ADAMTS6: variants seen among roughly 807,000 people sequenced by gnomAD.
ADAMTS6 encodes A disintegrin and metalloproteinase with thrombospondin motifs 6.
Under a neutral mutation model 144.3 loss-of-function variants are expected in ADAMTS6, and 23 were observed. That is an observed-to-expected ratio of 0.16 (90% CI 0.11 to 0.23). The LOEUF (loss-of-function observed/expected upper bound fraction) is 0.23, where lower values mean the gene tolerates loss of function less well. Ranked by LOEUF, ADAMTS6 falls within the 10% of genes least tolerant of loss-of-function variation. The pLI is 1.00. For missense variants in ADAMTS6, 999 were observed against 1,379.6 expected, an observed-to-expected ratio of 0.72 and a Z score of 4.37; for synonymous variants, 444 against 457.5, an observed-to-expected ratio of 0.97 and a Z score of 0.38.
At chr5:65,313,128 A>AACACACACACAC (rs61525269) in intron 9 of ADAMTS6, among the ~76,000 whole-genome samples, 30 of 135,846 alleles carry the variant, frequency 2.2e-4, no homozygotes, top group East Asian at 1.3e-3. Flanking sequence ...TTATTTCTGC[A>AACACACACACAC]ACACACACAC....
intron 9 of ADAMTS6, among the ~76,000 whole-genome samples, chr5:65,317,478 T>A (rs1450167446): frequency 6.6e-6 from 1 of 151,784 alleles, no homozygotes; most frequent in African/African-American, 2.4e-5. Context: ...TTAAGGAAAA[T>A]CTCCAAGACA....
At chr5:65,426,607 T>G (rs1756556412) in intron 7 of ADAMTS6, among the ~76,000 whole-genome samples, 1 of 151,846 alleles carries the variant, frequency 6.6e-6, no homozygotes, top group African/African-American at 2.4e-5. Flanking sequence ...AAACAAAAAT[T>G]TAGTGGAGTT....
intron 7 of ADAMTS6, among the ~76,000 whole-genome samples, chr5:65,421,139 T>C (rs1756004048): frequency 6.6e-6 from 1 of 152,210 alleles, no homozygotes; most frequent in African/African-American, 2.4e-5. Context: ...TTTGTTTTTT[T>C]CATTGTGTTA....
At chr5:65,408,254 A>G (rs1467463495) in intron 7 of ADAMTS6, among the ~76,000 whole-genome samples, 7 of 152,188 alleles carry the variant, frequency 4.6e-5, no homozygotes, top group Non-Finnish European at 5.9e-5. Context: ...CAGGAAACCC[A>G]TGTTACGTGC....
At chr5:65,166,128 AG>A (rs1477742404) in intron 24 of ADAMTS6, among the ~76,000 whole-genome samples, 74 of 140,002 alleles carry the variant, frequency 5.3e-4, no homozygotes, top group Non-Finnish European at 9.6e-4. Flanking sequence ...TGCTGTATTC[AG>A]GAAACCCATC....
At chr5:65,192,238 C>G (rs981854999) in intron 21 of ADAMTS6, among the ~76,000 whole-genome samples, 8 of 152,064 alleles carry the variant, frequency 5.3e-5, no homozygotes, top group Non-Finnish European at 1.2e-4. Context: ...GCTTATAACT[C>G]TCTTATTGTA....
chr5:65,194,107 G>A (rs746253645), intron 21 of ADAMTS6, among the ~76,000 whole-genome samples: 6 of 151,830 alleles, frequency 4.0e-5, no homozygotes, highest in Admixed American at 6.6e-5. Context: ...CTTCACACTC[G>A]TAAAGTTTTA....
intron 7 of ADAMTS6, among the ~76,000 whole-genome samples, chr5:65,377,207 C>G (rs1751646519): frequency 6.6e-6 from 1 of 152,162 alleles, no homozygotes; most frequent in Admixed American, 6.6e-5. Flanking sequence ...CCTTCTCTCT[C>G]CATTTTTATA....
At chr5:65,269,775 G>A (rs1372680272) in intron 12 of ADAMTS6, among the ~76,000 whole-genome samples, 1 of 151,462 alleles carries the variant, frequency 6.6e-6, no homozygotes, top group African/African-American at 2.4e-5. Flanking sequence ...ACATGTGATG[G>A]GCATAGTGTA....
chr5:65,149,086 T>C lies in ADAMTS6; in HGVS notation c.*2750A>G, dbSNP rs772457642. The stretch of plus-strand genomic sequence containing the variant: ...TGAAATGGACTATTTGGAAATCATA[T>C]GTATCTCACGGGGTTTAATCATTAG... On this transcript the variant is annotated 3_prime_UTR_variant, in exon 25 of 25. Coordinates refer to ENST00000381055, the MANE Select transcript of ADAMTS6 (RefSeq NM_197941.4). 1 of 152,674 alleles carries C rather than the reference T, an allele frequency of 6.5e-6. No individual in the cohort carries two copies. The highest frequency in any genetic ancestry group is 1.5e-5 in the Non-Finnish European group (1 of 68,052). 9.5% of individuals were successfully genotyped at this position (152,674 alleles called of 1,614,324 possible).
In ADAMTS6 at chr5:65,356,372, A is replaced by G. The variant is rs1345424266; in HGVS notation, c.1074-22287T>C. Reference sequence around the variant, plus strand: ...AGAAAGATCCCTAATTTTGGCAAACAGGAGAACTCCATCCTGGTTCTGGTT... The same window carrying G: ...AGAAAGATCCCTAATTTTGGCAAACGGGAGAACTCCATCCTGGTTCTGGTT... On this transcript the variant is annotated intron_variant, in intron 7 of 24. Transcript: ENST00000381055. Among the ~76,000 whole-genome samples the G allele has an allele frequency of 2.0e-5, 3 of 151,914 alleles. No homozygotes were observed. In the East Asian group the frequency reaches 5.8e-4, roughly 29 times the overall value.
intron 11 of ADAMTS6, among the ~76,000 whole-genome samples, chr5:65,279,582 G>A: frequency 6.6e-6 from 1 of 151,414 alleles, no homozygotes. Flanking sequence ...CTCCCAAAGT[G>A]CTGGGATTAC....
At chr5:65,333,610 G>GT (rs370028836) in intron 8 of ADAMTS6, among the ~76,000 whole-genome samples, 110 of 144,228 alleles carry the variant, frequency 7.6e-4, no homozygotes, top group Non-Finnish European at 8.7e-4. Context: ...CCTTAGTTGT[G>GT]TTTTTTTTTT....
intron 8 of ADAMTS6, among the ~76,000 whole-genome samples, chr5:65,333,481 T>C (rs193292308): frequency 5.9e-5 from 9 of 152,164 alleles, no homozygotes; most frequent in Non-Finnish European, 1.3e-4. Context: ...AGATTATTTT[T>C]TGTTGTTGTT....
At chr5:65,370,588 C>A (rs1391377392) in intron 7 of ADAMTS6, among the ~76,000 whole-genome samples, 1 of 152,198 alleles carries the variant, frequency 6.6e-6, no homozygotes, top group Non-Finnish European at 1.5e-5. Flanking sequence ...AATGGCGCAC[C>A]ACGAGATTAT....
chr5:65,431,064 T>C (rs1166346872), intron 7 of ADAMTS6, among the ~76,000 whole-genome samples: 1 of 152,180 alleles, frequency 6.6e-6, no homozygotes, highest in Non-Finnish European at 1.5e-5. Context: ...ACTCAGTAAA[T>C]GTTTGTTGAG....
chr5:65,349,647 G>A (rs62369659), intron 7 of ADAMTS6, among the ~76,000 whole-genome samples: 17,186 of 151,978 alleles, frequency 0.11, 1,042 homozygotes, highest in African/African-American at 0.15. Flanking sequence ...CTGAGGTCAG[G>A]AGTTCGAGAC....
chr5:65,265,699 G>T (rs889459784), intron 12 of ADAMTS6, among the ~76,000 whole-genome samples: 4 of 151,750 alleles, frequency 2.6e-5, no homozygotes, highest in African/African-American at 9.7e-5. Flanking sequence ...ATTAAAGCTT[G>T]ATTTTACATT....
intron 7 of ADAMTS6, among the ~76,000 whole-genome samples, chr5:65,449,407 G>A (rs1184912159): frequency 1.3e-5 from 2 of 152,138 alleles, no homozygotes; most frequent in East Asian, 3.9e-4. Context: ...ACGAGGTCAG[G>A]AGATGGAGAC....
Sources: gnomAD v4.1 joint callset for allele counts (sites outside exome capture counted in the v4.1 genomes callset) on GRCh38, gnomAD v4.1.1 for gene constraint, MANE v1.5 for transcripts, NCBI Gene and HGNC (gene_info 2026-07-23, HGNC 2026-07-21) for gene names.